The following NEGR1 variants were observed in gnomAD, a reference collection of about 807,000 sequenced individuals.
NEGR1 encodes the protein neuronal growth regulator 1.
Under a neutral mutation model 40.9 loss-of-function variants are expected in NEGR1, and 10 were observed. That is an observed-to-expected ratio of 0.24 (90% CI 0.15 to 0.42). The LOEUF (loss-of-function observed/expected upper bound fraction) is 0.42, where lower values mean the gene tolerates loss of function less well. NEGR1 is among the 10% of genes least tolerant of loss of function. NEGR1 has a pLI of 1.00. For synonymous variants in NEGR1, 185 were observed against 166.8 expected (o/e 1.11, Z -0.84); for missense variants, 352 against 438.9 (o/e 0.80, Z 1.77).
At chr1:72,129,943 C>T (rs1389945347) in intron 1 of NEGR1, among the ~76,000 whole-genome samples, 1 of 152,142 alleles carries the variant, frequency 6.6e-6, no homozygotes, top group African/African-American at 2.4e-5. Context: ...TAAAGTAATA[C>T]ACTGCTATTC....
intron 2 of NEGR1, among the ~76,000 whole-genome samples, chr1:71,928,552 A>G (rs929237394): frequency 1.0e-4 from 9 of 89,814 alleles, no homozygotes; most frequent in African/African-American, 4.1e-4. Flanking sequence ...ATATACACAT[A>G]TGTGTATATA....
chr1:71,413,814 C>G (rs1035957517), intron 6 of NEGR1, among the ~76,000 whole-genome samples: 3 of 152,156 alleles, frequency 2.0e-5, no homozygotes, highest in African/African-American at 7.2e-5. Flanking sequence ...TATATCTTTT[C>G]TAATTATGAT....
At chr1:71,894,806 G>A (rs1660921005) in intron 2 of NEGR1, among the ~76,000 whole-genome samples, 4 of 152,204 alleles carry the variant, frequency 2.6e-5, no homozygotes, top group Admixed American at 6.5e-5. Flanking sequence ...CACTTGGGAG[G>A]CTGAGGCAGG....
intron 6 of NEGR1, among the ~76,000 whole-genome samples, chr1:71,530,388 T>C (rs927886007): frequency 1.3e-5 from 2 of 151,306 alleles, no homozygotes; most frequent in Non-Finnish European, 3.0e-5. Flanking sequence ...TTCTCCTTTG[T>C]ATCTTGCTCA....
At chr1:72,019,326 G>T (rs1214474996) in intron 1 of NEGR1, among the ~76,000 whole-genome samples, 2 of 152,122 alleles carry the variant, frequency 1.3e-5, no homozygotes, top group Admixed American at 6.5e-5. Flanking sequence ...CAGCATACAA[G>T]CATATTTGCA....
At chr1:71,531,782 G>A (rs1468080648) in intron 6 of NEGR1, among the ~76,000 whole-genome samples, 1 of 151,396 alleles carries the variant, frequency 6.6e-6, no homozygotes, top group Non-Finnish European at 1.5e-5. Context: ...TGACCAGAAA[G>A]TGTTATATTA....
intron 2 of NEGR1, among the ~76,000 whole-genome samples, chr1:71,817,200 G>A (rs1658255395): frequency 6.6e-6 from 1 of 152,060 alleles, no homozygotes; most frequent in African/African-American, 2.4e-5. Context: ...ACTTGCTCAT[G>A]CAGCTTCCAG....
chr1:72,077,077 T>G (rs1557514889), intron 1 of NEGR1, among the ~76,000 whole-genome samples: 1 of 151,834 alleles, frequency 6.6e-6, no homozygotes, highest in Admixed American at 6.6e-5. Context: ...GTATTTTTAG[T>G]AGAGAAAAGG....
intron 4 of NEGR1, among the ~76,000 whole-genome samples, chr1:71,695,694 T>A (rs1270970457): frequency 6.6e-6 from 1 of 151,774 alleles, no homozygotes; most frequent in African/African-American, 2.4e-5. Flanking sequence ...TAGAAGAGAA[T>A]TCTGCATGGG....
intron 2 of NEGR1, among the ~76,000 whole-genome samples, chr1:71,840,199 C>A (rs1319971346): frequency 3.3e-5 from 5 of 152,004 alleles, no homozygotes; most frequent in Admixed American, 3.3e-4. Flanking sequence ...AAACATTGTA[C>A]ATCAAAAACA....
At chr1:71,808,840 T>C (rs1657876933) in intron 2 of NEGR1, among the ~76,000 whole-genome samples, 1 of 152,130 alleles carries the variant, frequency 6.6e-6, no homozygotes, top group African/African-American at 2.4e-5. Flanking sequence ...ATCTAAAGCT[T>C]CTAAATCAAT....
chr1:71,655,148 A>T (rs970543139), intron 4 of NEGR1, among the ~76,000 whole-genome samples: 2 of 152,182 alleles, frequency 1.3e-5, no homozygotes, highest in Non-Finnish European at 2.9e-5. Context: ...AGGAGATTTT[A>T]TTGAGTATCT....
chr1:72,134,004 A>G (rs905129795), intron 1 of NEGR1, among the ~76,000 whole-genome samples: 10 of 151,980 alleles, frequency 6.6e-5, no homozygotes, highest in Admixed American at 3.9e-4. Context: ...AATATCATAC[A>G]GGAAAAAAAA....
intron 2 of NEGR1, among the ~76,000 whole-genome samples, chr1:71,790,216 G>A (rs1295498803): frequency 1.3e-5 from 2 of 152,072 alleles, no homozygotes; most frequent in Non-Finnish European, 2.9e-5. Flanking sequence ...GACCTAACTG[G>A]TCATGCCACT....
intron 6 of NEGR1, among the ~76,000 whole-genome samples, chr1:71,512,891 A>G (rs1280124419): frequency 6.6e-6 from 1 of 152,156 alleles, no homozygotes; most frequent in Non-Finnish European, 1.5e-5. Context: ...TACTATCCGA[A>G]TTTTTAAAAT....
intron 6 of NEGR1, among the ~76,000 whole-genome samples, chr1:71,564,027 A>G (rs1648541619): frequency 6.6e-6 from 1 of 152,050 alleles, no homozygotes; most frequent in African/African-American, 2.4e-5. Flanking sequence ...TTGGAAATGG[A>G]AGGAAAAAGG....
chr1:71,670,226 C>A (rs1351924424), intron 4 of NEGR1, among the ~76,000 whole-genome samples: 2 of 151,972 alleles, frequency 1.3e-5, no homozygotes, highest in East Asian at 3.9e-4. Context: ...ATATACAGTT[C>A]TAGTTTGTGC....
chr1:71,783,837 C>CCAGT (rs1553165040), intron 2 of NEGR1, among the ~76,000 whole-genome samples: 1,780 of 136,918 alleles, frequency 0.013, 13 homozygotes, highest in Middle Eastern at 0.022. Context: ...CATCCATCCA[C>CCAGT]CCGTCCATCC....
chr1:71,559,553 G>A (rs1462429868), intron 6 of NEGR1, among the ~76,000 whole-genome samples: 2 of 151,524 alleles, frequency 1.3e-5, no homozygotes, highest in Non-Finnish European at 3.0e-5. Context: ...TTTGACAAAT[G>A]CACATAGTTG....
Sources: allele counts gnomAD v4.1 joint callset (sites outside exome capture counted in the v4.1 genomes callset), GRCh38; gene constraint gnomAD v4.1.1; transcripts MANE v1.5; gene names NCBI Gene and HGNC (gene_info 2026-07-23, HGNC 2026-07-21).